The following ITPR1 variants were observed in gnomAD, a reference collection of about 807,000 sequenced individuals.
ITPR1 encodes the protein inositol 1,4,5-trisphosphate-gated calcium channel ITPR1.
ITPR1 carries 96 observed loss-of-function variants against 318.4 expected under a neutral mutation model. That is an observed-to-expected ratio of 0.30 (90% CI 0.26 to 0.36). ITPR1 has a LOEUF of 0.36. ITPR1 is among the 10% of genes least tolerant of loss of function. The pLI is 1.00. For synonymous variants in ITPR1, 1,312 were observed against 1,289.9 expected (o/e 1.02, Z -0.37); for missense variants, 2,440 against 3,460.2 (o/e 0.71, Z 7.40).
At chr3:4,689,183 C>T (rs4685799) in intron 31 of ITPR1, among the ~76,000 whole-genome samples, 75,306 of 151,718 alleles carry the variant, frequency 0.5, 19,386 homozygotes, top group Non-Finnish European at 0.55. Context: ...TCTCATTCTT[C>T]TGATGGCCAA....
chr3:4,587,653 T>C (rs1177000215), intron 4 of ITPR1, among the ~76,000 whole-genome samples: 1 of 152,176 alleles, frequency 6.6e-6, no homozygotes, highest in African/African-American at 2.4e-5. Context: ...TTTAGTGGAT[T>C]GTGTCTCACA....
chr3:4,783,694 C>T, intron 50 of ITPR1, 122 bp from the exon 51 acceptor site: 1 of 800,424 alleles, frequency 1.2e-6, no homozygotes, highest in East Asian at 2.7e-5. Context: ...CTCGTGGCAC[C>T]TTTGCCCTTT....
intron 37 of ITPR1, among the ~76,000 whole-genome samples, chr3:4,707,267 C>T (rs1450343072): frequency 1.3e-5 from 2 of 152,304 alleles, no homozygotes; most frequent in South Asian, 2.1e-4. Flanking sequence ...GACTGGGCTC[C>T]GCTAGCTATT....
chr3:4,609,257 A>G (rs1434447993), intron 4 of ITPR1, among the ~76,000 whole-genome samples: 2 of 150,970 alleles, frequency 1.3e-5, no homozygotes, highest in Non-Finnish European at 2.9e-5. Context: ...GTTCTGGGGA[A>G]AAGAAAAAGC....
At chr3:4,617,622 G>A (rs557878210) in intron 4 of ITPR1, among the ~76,000 whole-genome samples, 1 of 152,226 alleles carries the variant, frequency 6.6e-6, no homozygotes, top group East Asian at 1.9e-4. Context: ...TCCAGATTTT[G>A]TTGTTTCTTG....
At chr3:4,784,839 G>A (rs1575236794) in intron 51 of ITPR1, among the ~76,000 whole-genome samples, 1 of 152,076 alleles carries the variant, frequency 6.6e-6, no homozygotes, top group South Asian at 2.1e-4. Flanking sequence ...GGGGATTGCA[G>A]TGGGCCAAGA....
intron 4 of ITPR1, among the ~76,000 whole-genome samples, chr3:4,614,394 T>C (rs1051963912): frequency 1.3e-5 from 2 of 152,258 alleles, no homozygotes; most frequent in Admixed American, 6.5e-5. Flanking sequence ...CCTTCTATCA[T>C]ACCATAGCAG....
intron 57 of ITPR1, 53 bp from the exon 58 acceptor site, chr3:4,814,370 G>T: frequency 6.3e-7 from 1 of 1,597,786 alleles, no homozygotes. Flanking sequence ...CAAAATCCCG[G>T]TCTCTCTTTT....
rs1448618344 is a variant in ITPR1, at chr3:4,693,544, C to A, written c.4084C>A (p.Gln1362Lys). ...LVFYNDRASF[Q>K]TLIQMMRSER... Reference sequence around the variant, plus strand: ...GTTCTACAACGACAGAGCCTCTTTCCAGACTCTGATCCAGATGATGCGGTC... The same window carrying A: ...GTTCTACAACGACAGAGCCTCTTTCAAGACTCTGATCCAGATGATGCGGTC... The change falls in exon 33 of 62, where the codon CAG (glutamine) becomes AAG (lysine). Residue 1362 changes from glutamine (Q) to lysine (K), a missense_variant. By Grantham distance (53) the Gln-to-Lys change is moderately conservative. This residue lies in a region of ITPR1 where 222 missense variants were observed against 318.8 expected (regional missense o/e 0.70). Transcript: ENST00000649015. 1 of 1,613,852 alleles carries A rather than the reference C, an allele frequency of 6.2e-7. No individual in the cohort carries two copies. Among genetic ancestry groups the A allele is most frequent in the African/African-American group, 1.3e-5 (1 of 74,926 alleles).
intron 44 of ITPR1, among the ~76,000 whole-genome samples, chr3:4,752,409 G>C (rs546185956): frequency 6.6e-6 from 1 of 152,260 alleles, no homozygotes; most frequent in South Asian, 2.1e-4. Flanking sequence ...GATGGATTAA[G>C]GATCCTCAGC....
At chr3:4,641,187 T>C (rs1559594209) in intron 6 of ITPR1, among the ~76,000 whole-genome samples, 2 of 152,204 alleles carry the variant, frequency 1.3e-5, no homozygotes, top group Admixed American at 6.5e-5. Context: ...TTATAGCCTG[T>C]TGAGTTGGGA....
At chr3:4,702,772 A>C in intron 35 of ITPR1, 58 bp from the exon 36 acceptor site, 1 of 1,565,386 alleles carries the variant, frequency 6.4e-7, no homozygotes, top group Non-Finnish European at 8.7e-7. Context: ...TGATCGGATC[A>C]TCAGTAGTCT....
intron 5 of ITPR1, among the ~76,000 whole-genome samples, chr3:4,631,634 C>T (rs1412927881): frequency 2.0e-5 from 3 of 151,960 alleles, no homozygotes; most frequent in African/African-American, 4.8e-5. Context: ...GGATTATGAT[C>T]GTATCTTTTT....
chr3:4,815,873 T>G (rs1356676163), intron 59 of ITPR1, among the ~76,000 whole-genome samples: 1 of 152,122 alleles, frequency 6.6e-6, no homozygotes, highest in Non-Finnish European at 1.5e-5. Flanking sequence ...TTTTTAAGCT[T>G]TTTGCTTTGG....
chr3:4,795,302 A>C, intron 53 of ITPR1, 115 bp downstream of exon 53: 1 of 868,490 alleles, frequency 1.2e-6, no homozygotes, highest in East Asian at 2.9e-5. Context: ...CCAGTTATCC[A>C]CATTCAGACA....
At chr3:4,681,087 A>C (rs1016318693) in intron 25 of ITPR1, among the ~76,000 whole-genome samples, 17 of 152,148 alleles carry the variant, frequency 1.1e-4, no homozygotes, top group African/African-American at 4.1e-4. Context: ...AGATGGTAGG[A>C]GTAGAAATAA....
At chr3:4,702,492 A>G (rs963048743) in intron 35 of ITPR1, among the ~76,000 whole-genome samples, 2 of 152,210 alleles carry the variant, frequency 1.3e-5, no homozygotes, top group Non-Finnish European at 2.9e-5. Flanking sequence ...TAATTTGCCT[A>G]AAGTCATGCA....
intron 6 of ITPR1, 84 bp downstream of exon 6, chr3:4,639,554 G>T: frequency 9.8e-7 from 1 of 1,022,374 alleles, no homozygotes; most frequent in Non-Finnish European, 1.5e-6. Flanking sequence ...GACAGGGTTT[G>T]GACACCTTTA....
rs2091180322 is a variant in ITPR1, at chr3:4,600,397, G to A, written c.164-27366G>A. ...CGAGCCCCAGGTTTTGTTGTGGGTG[G>A]TCTTGCTGGGGATACTGTGGATGGG... On this transcript the variant is annotated intron_variant, in intron 4 of 61. Transcript: ENST00000649015. 3.3e-5 allele frequency among the ~76,000 whole-genome samples: 5 copies of A among 152,114 alleles called. No homozygotes were observed. In the South Asian group the frequency reaches 1.0e-3, roughly 32 times the overall value.
Sources: gnomAD v4.1 joint callset for allele counts (sites outside exome capture counted in the v4.1 genomes callset) on GRCh38, gnomAD v4.1.1 for gene constraint, gnomAD v4.1.1 regional missense constraint, MANE v1.5 for transcripts, NCBI Gene and HGNC (gene_info 2026-07-23, HGNC 2026-07-21) for gene names.